OGDH: variants seen among roughly 807,000 people sequenced by gnomAD.
The protein encoded by OGDH is 2-oxoglutarate dehydrogenase complex component E1.
A neutral mutation model predicts 116.6 loss-of-function variants in OGDH; 38 were observed. That is an observed-to-expected ratio of 0.33 (90% CI 0.25 to 0.43). The LOEUF is 0.43. OGDH is among the 20% of genes least tolerant of loss of function. OGDH has a pLI of 1.00. For missense variants in OGDH, 825 were observed against 1,357.2 expected (o/e 0.61, Z 6.16); for synonymous variants, 488 against 533.3 (o/e 0.92, Z 1.17).
chr7:44,701,663 G>C, intron 20 of OGDH, 48 bp downstream of exon 20: 1 of 1,531,978 alleles, frequency 6.5e-7, no homozygotes, highest in East Asian at 2.2e-5. Context: ...CTATGTTTGG[G>C]GCTTCTTTGC....
intron 10 of OGDH, among the ~76,000 whole-genome samples, chr7:44,682,687 C>A (rs1471681761): frequency 1.3e-5 from 2 of 151,290 alleles, no homozygotes. Flanking sequence ...AGGAGTCTGT[C>A]TAAAAAAAAA....
chr7:44,664,258 A>T (rs943966183), intron 4 of OGDH, among the ~76,000 whole-genome samples: 5 of 152,054 alleles, frequency 3.3e-5, no homozygotes, highest in Admixed American at 3.3e-4. Flanking sequence ...TCAAGTATCC[A>T]CCGTTACTGG....
At chr7:44,656,455 T>C in intron 4 of OGDH, 1 of 1,099,906 alleles carries the variant, frequency 9.1e-7, no homozygotes, top group South Asian at 1.4e-5. Flanking sequence ...ATGGGGAAAG[T>C]TGACGCAACT....
chr7:44,656,860 A>G (rs1290559781), intron 4 of OGDH, among the ~76,000 whole-genome samples: 7 of 152,152 alleles, frequency 4.6e-5, no homozygotes, highest in African/African-American at 1.4e-4. Context: ...ACTTACTGAG[A>G]ACTCTTAGTG....
rs1342446207 is a variant in OGDH at position 44,708,757 on chromosome 7, G to A, written c.*758G>A. 1 of 152,186 alleles carries A rather than the reference G, an allele frequency of 6.6e-6. No homozygotes were observed. The allele number at this position is 152,186 out of a possible 1,614,324, so 9.4% of individuals were successfully genotyped here. On this transcript the variant is annotated 3_prime_UTR_variant, in exon 23 of 23. Coordinates refer to ENST00000222673, the MANE Select transcript of OGDH (RefSeq NM_002541.4). ...CCGGGGCACTGGCTGCTCTGTCTTG[G>A]TCCTGTTAACCCTCCACCTCCTCTC...
At chr7:44,643,104 A>T (rs1786022708) in intron 2 of OGDH, among the ~76,000 whole-genome samples, 1 of 134,662 alleles carries the variant, frequency 7.4e-6, no homozygotes. Flanking sequence ...TAAAAAAAAA[A>T]AAAAAAAAAA....
rs750729726 is a variant in OGDH, at chr7:44,645,341, T to G, written c.237T>G (p.Phe79Leu). The G allele has an allele frequency of 6.2e-7, 1 of 1,614,100 alleles. No individual in the cohort carries two copies. Among genetic ancestry groups the G allele is most frequent in the Non-Finnish European group, 8.5e-7 (1 of 1,179,976 alleles). The change falls in exon 3 of 23, where the codon TTT becomes TTG. Residue 79 changes from phenylalanine to leucine, a missense_variant. Phe to Leu is a conservative substitution (Grantham distance 22). Coordinates refer to ENST00000222673, the MANE Select transcript of OGDH (RefSeq NM_002541.4). The part of the protein sequence containing the change: ...PKSVHKSWDI[F>L]FRNTNAGAPP... ...TTTGTCTTTAGTCATGGGACATTTT[T>G]TTTCGCAACACGAATGCCGGAGCCC...
intron 10 of OGDH, among the ~76,000 whole-genome samples, chr7:44,686,883 C>T (rs1370747543): frequency 3.3e-5 from 5 of 150,872 alleles, no homozygotes; most frequent in African/African-American, 1.2e-4. Context: ...AGACAGATTT[C>T]ACTATGTTGG....
chr7:44,707,870 A>C lies in OGDH; in HGVS notation c.2952-9A>C. 2.5e-6 allele frequency: 4 copies of C among 1,611,844 alleles called. No individual in the cohort carries two copies. Among genetic ancestry groups the C allele is most frequent in the Non-Finnish European group, 3.4e-6 (4 of 1,179,064 alleles). On this transcript the variant is annotated splice_polypyrimidine_tract_variant and intron_variant, in intron 22 of 22. Coordinates refer to ENST00000222673, the MANE Select transcript of OGDH (RefSeq NM_002541.4). The surrounding 1 kb of genome is among the most constrained non-coding windows in gnomAD (Gnocchi z 5.2). ...CCTGCCCTCACTGCCCCCTCCCTCC[A>C]TCTCTCAGGTATGCCGGCCGGGACC...
At chr7:44,667,163 C>T (rs1787221223) in intron 5 of OGDH, among the ~76,000 whole-genome samples, 1 of 152,072 alleles carries the variant, frequency 6.6e-6, no homozygotes, top group Non-Finnish European at 1.5e-5. Context: ...GTTCCTCAGG[C>T]TGGTCTCAAA....
At chr7:44,613,400 A>G (rs1402027275) in intron 1 of OGDH, among the ~76,000 whole-genome samples, 1 of 151,044 alleles carries the variant, frequency 6.6e-6, no homozygotes, top group Non-Finnish European at 1.5e-5. Flanking sequence ...TCACTCTGTC[A>G]CCCAGGCTGG....
At chr7:44,678,317 T>G (rs1372298395) in intron 9 of OGDH, among the ~76,000 whole-genome samples, 2 of 152,170 alleles carry the variant, frequency 1.3e-5, no homozygotes, top group Non-Finnish European at 2.9e-5. Flanking sequence ...GCATTTGGGC[T>G]GAGTAGTGGA....
At chr7:44,696,856 C>T in intron 14 of OGDH, 58 bp from the exon 15 acceptor site, 6 of 1,527,960 alleles carry the variant, frequency 3.9e-6, no homozygotes, top group Non-Finnish European at 5.3e-6. Context: ...CGCTGAGAAG[C>T]AAGGCAGGCA....
chr7:44,624,575 G>C lies in OGDH; in HGVS notation c.222+10G>C, dbSNP rs750771174. ...CAAAAGTGTACATAAGGTAAGGCTC[G>C]CAGGGCTGTGGGTCTGCCTCATGTT... On this transcript the variant is annotated intron_variant, in intron 2 of 22. Coordinates refer to ENST00000222673, the MANE Select transcript of OGDH (RefSeq NM_002541.4). 6.2e-7 allele frequency: 1 copy of C among 1,609,886 alleles called. No homozygotes were observed. The highest frequency in any genetic ancestry group is 1.1e-5 in the South Asian group (1 of 90,962).
At chr7:44,606,791 C>T (rs1258897700) in intron 1 of OGDH, 138 bp downstream of exon 1, 1 of 152,388 alleles carries the variant, frequency 6.6e-6, no homozygotes, top group Non-Finnish European at 1.5e-5. Context: ...GGGAGTGGAG[C>T]TGGATGGAGT....
intron 2 of OGDH, among the ~76,000 whole-genome samples, chr7:44,642,303 G>C (rs1785978046): frequency 6.6e-6 from 1 of 152,098 alleles, no homozygotes; most frequent in African/African-American, 2.4e-5. Context: ...GCGTGCCTGT[G>C]GTCCCAGCTA....
At chr7:44,616,821 ATATGTG>A (rs1229509774) in intron 1 of OGDH, among the ~76,000 whole-genome samples, 15 of 139,430 alleles carry the variant, frequency 1.1e-4, no homozygotes, top group African/African-American at 3.5e-4. Context: ...ATATACGTAT[ATATGTG>A]TATATATACA....
chr7:44,610,404 AGC>A (rs1489747117), intron 1 of OGDH, among the ~76,000 whole-genome samples: 1 of 150,248 alleles, frequency 6.7e-6, no homozygotes, highest in Non-Finnish European at 1.5e-5. Context: ...CCCAGGTTCA[AGC>A]GATTCTTCCG....
At chr7:44,634,855 T>C (rs1414043042) in intron 2 of OGDH, among the ~76,000 whole-genome samples, 4 of 152,212 alleles carry the variant, frequency 2.6e-5, no homozygotes, top group African/African-American at 9.7e-5. Context: ...TGGAGACTTG[T>C]GCTTAGCCCA....
Sources: allele counts gnomAD v4.1 joint callset (sites outside exome capture counted in the v4.1 genomes callset), GRCh38; gene constraint gnomAD v4.1.1; non-coding constraint Gnocchi (gnomAD v3.1); transcripts MANE v1.5; gene names NCBI Gene and HGNC (gene_info 2026-07-23, HGNC 2026-07-21).